The following PDXDC1 variants were observed in gnomAD, a reference collection of about 807,000 sequenced individuals.
PDXDC1 encodes pyridoxal-dependent decarboxylase domain-containing protein 1.
PDXDC1 carries 42 observed loss-of-function variants against 100.1 expected under a neutral mutation model. That is an observed-to-expected ratio of 0.42 (90% CI 0.33 to 0.54). The LOEUF (loss-of-function observed/expected upper bound fraction) is 0.54, where lower values mean the gene tolerates loss of function less well. Ranked by LOEUF, PDXDC1 falls within the 20% of genes least tolerant of loss-of-function variation. The probability of loss-of-function intolerance (pLI) is 0.10; values close to 1 mark genes in which losing one functional copy is unlikely to be tolerated. For missense variants in PDXDC1, 636 were observed against 979.2 expected (o/e 0.65, Z 4.68); for synonymous variants, 260 against 371.7 (o/e 0.70, Z 3.46).
At chr16:15,029,429 A>C in intron 15 of PDXDC1, 1 of 378,438 alleles carries the variant, frequency 2.6e-6, no homozygotes, top group Non-Finnish European at 4.6e-6. Flanking sequence ...CAGCAGTTCT[A>C]GCCAATGCTG....
At chr16:15,130,443 G>C (rs1443342473) in intron 16 of PDXDC1, 1 of 1,478,056 alleles carries the variant, frequency 6.8e-7, no homozygotes, top group Non-Finnish European at 9.4e-7. Flanking sequence ...ACTCCCCACT[G>C]GGTCTCTGGT....
At chr16:15,067,019 T>G (rs1686456775) in intron 16 of PDXDC1, among the ~76,000 whole-genome samples, 1 of 148,200 alleles carries the variant, frequency 6.7e-6, no homozygotes, top group African/African-American at 2.5e-5. Flanking sequence ...CCATCCTCAC[T>G]CTTTGAGCTG....
chr16:15,114,915 A>T (rs1444370487), intron 16 of PDXDC1, among the ~76,000 whole-genome samples: 1 of 72,074 alleles, frequency 1.4e-5, no homozygotes, highest in African/African-American at 3.2e-5. Context: ...TGATGATCTA[A>T]AAAAAAAAAA....
downstream of PDXDC1, among the ~76,000 whole-genome samples, chr16:15,041,464 A>G (rs117485187): frequency 1.4e-3 from 208 of 152,194 alleles, 1 homozygote; most frequent in East Asian, 0.011. Flanking sequence ...GGACGAGGGC[A>G]AGGGGAAGGG....
chr16:15,061,858 G>A, intron 16 of PDXDC1: 1 of 1,613,712 alleles, frequency 6.2e-7, no homozygotes, highest in South Asian at 1.1e-5. Context: ...TATCATTCTG[G>A]GGCACTTCGC....
chr16:15,077,124 C>T (rs1260431465), intron 16 of PDXDC1, among the ~76,000 whole-genome samples: 5 of 151,732 alleles, frequency 3.3e-5, no homozygotes, highest in Non-Finnish European at 7.4e-5. Context: ...GGATTACAGT[C>T]ATGTGCCACT....
chr16:15,039,624 G>A (rs1417816928), downstream of PDXDC1, among the ~76,000 whole-genome samples: 2 of 152,138 alleles, frequency 1.3e-5, no homozygotes, highest in African/African-American at 4.8e-5. Context: ...AGTGCAGAGG[G>A]GAGAAACCTC....
intron 16 of PDXDC1, among the ~76,000 whole-genome samples, chr16:15,129,490 TG>T (rs1228067738): frequency 1.3e-5 from 2 of 152,128 alleles, no homozygotes; most frequent in East Asian, 1.9e-4. Context: ...GCAATTCCAA[TG>T]AAAGGAAAAT....
chr16:15,150,309 C>G, the PDXDC1 span, among the ~76,000 whole-genome samples: 15 of 151,452 alleles, frequency 9.9e-5, no homozygotes, highest in Non-Finnish European at 1.9e-4. Context: ...CTGCTGCACT[C>G]CAGCCTGGGC....
At chr16:14,998,473 C>T (rs554777734) in intron 3 of PDXDC1, 68 bp downstream of exon 3, 10 of 1,539,626 alleles carry the variant, frequency 6.5e-6, no homozygotes, top group East Asian at 4.6e-5. Context: ...GAGATGGAGT[C>T]GTGCTCTGTT....
At chr16:15,056,065 GTC>G in intron 16 of PDXDC1, 1 of 399,242 alleles carries the variant, frequency 2.5e-6, no homozygotes, top group Non-Finnish European at 3.5e-6. Flanking sequence ...CGGGCCGCGC[GTC>G]CCGCCTCGTC....
intron 3 of PDXDC1, among the ~76,000 whole-genome samples, chr16:14,999,293 C>T (rs1374764538): frequency 2.6e-5 from 4 of 152,252 alleles, no homozygotes; most frequent in East Asian, 1.9e-4. Context: ...TCTCCATCTC[C>T]TGACCTCAGG....
chr16:15,097,214 G>T (rs1317086111), intron 16 of PDXDC1, among the ~76,000 whole-genome samples: 1 of 151,534 alleles, frequency 6.6e-6, no homozygotes, highest in Non-Finnish European at 1.5e-5. Flanking sequence ...GCTGCAGTGA[G>T]CTATGACTAC....
intron 16 of PDXDC1, among the ~76,000 whole-genome samples, chr16:15,062,855 C>T (rs966887550): frequency 1.9e-4 from 29 of 152,170 alleles, no homozygotes; most frequent in African/African-American, 6.8e-4. Context: ...ATGAGTAAGA[C>T]ACGGTTTTGG....
At chr16:14,976,036 A>G (rs1966786095) in intron 1 of PDXDC1, among the ~76,000 whole-genome samples, 1 of 152,292 alleles carries the variant, frequency 6.6e-6, no homozygotes, top group Admixed American at 6.5e-5. Context: ...CCTTGGGGGA[A>G]CGGCAGCGTG....
intron 1 of PDXDC1, among the ~76,000 whole-genome samples, chr16:14,977,977 G>T (rs1217033220): frequency 2.0e-5 from 3 of 152,350 alleles, no homozygotes; most frequent in African/African-American, 7.2e-5. Flanking sequence ...TGTAGTATGC[G>T]ATCATCATTT....
downstream of PDXDC1, among the ~76,000 whole-genome samples, chr16:15,141,573 G>A (rs2048475993): frequency 6.6e-6 from 1 of 152,184 alleles, no homozygotes; most frequent in South Asian, 2.1e-4. Context: ...GGATCTGGGG[G>A]CCAGGCACAC....
chr16:15,012,087 T>C (rs1333675569), intron 8 of PDXDC1, among the ~76,000 whole-genome samples: 3 of 152,352 alleles, frequency 2.0e-5, no homozygotes, highest in South Asian at 2.1e-4. Context: ...TACAACTCAA[T>C]AAGGACACAA....
In PDXDC1 at chr16:15,037,797, C is replaced by CAA. The variant is rs11376559; in HGVS notation, c.*1531_*1532dup. On this transcript the variant is annotated 3_prime_UTR_variant, in exon 23 of 23. Transcript: ENST00000396410. ...TTCTCCTCTGCCCGTTATTACCGACCAAAAAAAAAACTGGACATCAATTTT... is the reference window on the plus strand; with the variant it reads ...TTCTCCTCTGCCCGTTATTACCGACCAAAAAAAAAAAACTGGACATCAATTTT... 0.017 allele frequency: 6,943 copies of CAA among 398,054 alleles called. No individual in the cohort carries two copies. The highest frequency in any genetic ancestry group is 0.029 in the East Asian group (691 of 24,116). The allele number at this position is 398,054 out of a possible 1,614,324, so 24.7% of individuals were successfully genotyped here.
Sources: allele counts gnomAD v4.1 joint callset (sites outside exome capture counted in the v4.1 genomes callset), GRCh38; gene constraint gnomAD v4.1.1; transcripts MANE v1.5; gene names NCBI Gene and HGNC (gene_info 2026-07-23, HGNC 2026-07-21).